The following DAPP1 variants were observed in gnomAD, a reference collection of about 807,000 sequenced individuals.
DAPP1 encodes the protein dual adapter for phosphotyrosine and 3-phosphotyrosine and 3-phosphoinositide.
In DAPP1, 20 loss-of-function variants were observed where a neutral mutation model predicts 41.5. That is an observed-to-expected ratio of 0.48 (90% CI 0.34 to 0.70). The LOEUF is 0.70. DAPP1 is among the 30% of genes least tolerant of loss of function. The pLI, the probability that DAPP1 is intolerant of heterozygous loss-of-function variation, is 0.01. For synonymous variants in DAPP1, 113 were observed against 116.2 expected, an observed-to-expected ratio of 0.97 and a Z score of 0.18; for missense variants, 233 against 333.4, an observed-to-expected ratio of 0.70 and a Z score of 2.35.
downstream of DAPP1, among the ~76,000 whole-genome samples, chr4:99,870,359 A>G (rs1169159908): frequency 1.3e-5 from 2 of 151,976 alleles, no homozygotes; most frequent in African/African-American, 2.4e-5. Context: ...GTGTATATAT[A>G]TATACATATG....
rs78783456 is a variant in DAPP1, at chr4:99,854,391, G to A, written c.489+1043G>A. 2.4e-3 allele frequency among the ~76,000 whole-genome samples: 358 copies of A among 152,332 alleles called. 3 individuals are homozygous for A. Among genetic ancestry groups the A allele is most frequent in the African/African-American group, 8.4e-3 (350 of 41,582 alleles). ...AAATATCAAGAACTAATTCTGGATA[G>A]TAATCATGACACTTGAAAAATAATC... On this transcript the variant is annotated intron_variant, in intron 4 of 8. Coordinates refer to ENST00000512369, the MANE Select transcript of DAPP1 (RefSeq NM_014395.3).
At chr4:99,831,372 C>A (rs1723113910) in intron 1 of DAPP1, among the ~76,000 whole-genome samples, 1 of 152,184 alleles carries the variant, frequency 6.6e-6, no homozygotes. Flanking sequence ...GCATCCCTGG[C>A]ACCCTCTCAC....
In DAPP1 at chr4:99,853,145, C is replaced by A; in HGVS notation, c.359-73C>A. ...AACAAAAGACTTTCCAATCCAGCCACAGTTATCCAGTTAGCATTTGGACCT... is the reference window on the plus strand; with the variant it reads ...AACAAAAGACTTTCCAATCCAGCCAAAGTTATCCAGTTAGCATTTGGACCT... On this transcript the variant is annotated intron_variant, in intron 3 of 8. Transcript: ENST00000512369. 1.9e-6 allele frequency: 3 copies of A among 1,553,114 alleles called. No individual in the cohort carries two copies. In the South Asian group the frequency reaches 3.5e-5, roughly 18 times the overall value.
At chr4:99,835,919 T>G (rs181392704) in intron 2 of DAPP1, among the ~76,000 whole-genome samples, 174 bp downstream of exon 2, 1 of 152,270 alleles carries the variant, frequency 6.6e-6, no homozygotes, top group East Asian at 1.9e-4. Context: ...GCTCCATTCA[T>G]TAGCAGGAAA....
intron 1 of DAPP1, among the ~76,000 whole-genome samples, chr4:99,833,446 C>T (rs1186343808): frequency 6.6e-6 from 1 of 152,036 alleles, no homozygotes; most frequent in South Asian, 2.1e-4. Context: ...ATCTTGGAGA[C>T]CTATGTAAAA....
At position 99,832,657 on chromosome 4, in the gene DAPP1, A is replaced by G. The variant is rs964767092; in HGVS notation, c.102-2966A>G. Among the ~76,000 whole-genome samples the G allele has an allele frequency of 2.0e-5, 3 of 152,334 alleles. No individual in the cohort carries two copies. The East Asian group carries it at 5.8e-4, about 29-fold the overall frequency. On this transcript the variant is annotated intron_variant, in intron 1 of 8. Coordinates refer to ENST00000512369, the MANE Select transcript of DAPP1 (RefSeq NM_014395.3). Reference sequence around the variant, plus strand: ...CTTAGTGTGATTCTTCTTGCATTATACTCAAGTATTTCTTATGTGTTTATG... The same window carrying G: ...CTTAGTGTGATTCTTCTTGCATTATGCTCAAGTATTTCTTATGTGTTTATG...
intron 1 of DAPP1, among the ~76,000 whole-genome samples, chr4:99,818,641 G>A (rs1722669790): frequency 6.6e-6 from 1 of 151,972 alleles, no homozygotes; most frequent in African/African-American, 2.4e-5. Context: ...TCCTCCATGT[G>A]CAAAGAATAG....
intron 4 of DAPP1, among the ~76,000 whole-genome samples, chr4:99,856,098 T>A (rs931969313): frequency 6.7e-6 from 1 of 150,370 alleles, no homozygotes; most frequent in African/African-American, 2.4e-5. Context: ...TAAACAAACT[T>A]TTTTTTTTTA....
chr4:99,834,256 TA>T (rs765105631), intron 1 of DAPP1, among the ~76,000 whole-genome samples: 9 of 152,210 alleles, frequency 5.9e-5, no homozygotes, highest in Non-Finnish European at 1.0e-4. Flanking sequence ...CCAATGCCTC[TA>T]AGTGTGTAGA....
intron 5 of DAPP1, 36 bp downstream of exon 5, chr4:99,861,661 A>G (rs1422521246): frequency 3.2e-6 from 5 of 1,555,296 alleles, no homozygotes; most frequent in Non-Finnish European, 2.6e-6. Context: ...CCAGCCACAG[A>G]AAAAAGAGAA....
chr4:99,840,791 G>A (rs1320338435), intron 3 of DAPP1, among the ~76,000 whole-genome samples: 1 of 152,100 alleles, frequency 6.6e-6, no homozygotes, highest in Non-Finnish European at 1.5e-5. Context: ...CCACTTAAAT[G>A]TTCACAGAGA....
intron 3 of DAPP1, among the ~76,000 whole-genome samples, chr4:99,845,682 C>A (rs555008648): frequency 1.1e-4 from 17 of 152,246 alleles, no homozygotes; most frequent in Admixed American, 4.6e-4. Context: ...TTAACTTCTG[C>A]CTTTGTATTT....
intron 1 of DAPP1, among the ~76,000 whole-genome samples, chr4:99,820,977 G>A (rs376058430): frequency 5.3e-5 from 8 of 152,228 alleles, no homozygotes; most frequent in African/African-American, 1.2e-4. Context: ...GCTGACCCAC[G>A]GAATAAATGA....
At chr4:99,842,672 G>T (rs1383452675) in intron 3 of DAPP1, among the ~76,000 whole-genome samples, 1 of 152,180 alleles carries the variant, frequency 6.6e-6, no homozygotes, top group Non-Finnish European at 1.5e-5. Flanking sequence ...TCAAGGTTAC[G>T]GAGTCAGCAT....
chr4:99,820,242 GAAAATATGGCAAAATA>G (rs1398282654), intron 1 of DAPP1, among the ~76,000 whole-genome samples: 1 of 152,084 alleles, frequency 6.6e-6, no homozygotes, highest in Non-Finnish European at 1.5e-5. Context: ...CTTGCAAAAT[GAAAATATGGCAAAATA>G]AAACAAGTAA....
At chr4:99,822,164 C>G (rs1722794140) in intron 1 of DAPP1, among the ~76,000 whole-genome samples, 1 of 152,180 alleles carries the variant, frequency 6.6e-6, no homozygotes, top group Admixed American at 6.5e-5. Flanking sequence ...TGGTGTTTTT[C>G]TGTTCCTCCA....
At chr4:99,824,422 C>T (rs987454752) in intron 1 of DAPP1, among the ~76,000 whole-genome samples, 11 of 152,212 alleles carry the variant, frequency 7.2e-5, no homozygotes, top group African/African-American at 2.4e-4. Flanking sequence ...ACTCAGTCCC[C>T]TTATGCCCAG....
At chr4:99,865,058 T>C (rs1392784708) in intron 7 of DAPP1, 2 of 152,258 alleles carry the variant, frequency 1.3e-5, no homozygotes, top group African/African-American at 4.8e-5. Flanking sequence ...TTTTCGAGTA[T>C]ATGCACTGTA....
intron 3 of DAPP1, among the ~76,000 whole-genome samples, chr4:99,851,381 G>A (rs534183445): frequency 1.9e-4 from 29 of 152,060 alleles, no homozygotes; most frequent in Non-Finnish European, 3.8e-4. Context: ...CTTCTCTGAG[G>A]TCGAGATCAG....
Sources: gnomAD v4.1 joint callset for allele counts (sites outside exome capture counted in the v4.1 genomes callset) on GRCh38, gnomAD v4.1.1 for gene constraint, MANE v1.5 for transcripts, NCBI Gene and HGNC (gene_info 2026-07-23, HGNC 2026-07-21) for gene names.